Variants in DAB1 observed in about 807,000 individuals in gnomAD.
The protein encoded by DAB1 is DAB adaptor protein 1.
A neutral mutation model predicts 64.6 loss-of-function variants in DAB1; 15 were observed. The observed-to-expected ratio is 0.23, with a 90% CI of 0.16 to 0.36. The LOEUF is 0.36. Ranked by LOEUF, DAB1 falls within the 10% of genes least tolerant of loss-of-function variation. DAB1 has a pLI of 1.00. For missense variants in DAB1, 596 were observed against 706.7 expected, an observed-to-expected ratio of 0.84 and a Z score of 1.78; for synonymous variants, 235 against 251.9, an observed-to-expected ratio of 0.93 and a Z score of 0.64.
In DAB1 at chr1:57,332,260, A is replaced by G. The variant is rs574030249; in HGVS notation, c.-136-41094T>C. On this transcript the variant is annotated intron_variant, in intron 1 of 14. Coordinates refer to ENST00000371236, the MANE Select transcript of DAB1 (RefSeq NM_001365792.1). ...ATTACAGGCATAAGCCACAATGCCCAGCTGGGAGTCTTTTTTATATAATAA... is the reference window on the plus strand; with the variant it reads ...ATTACAGGCATAAGCCACAATGCCCGGCTGGGAGTCTTTTTTATATAATAA... Among the ~76,000 whole-genome samples, 19 of 152,326 alleles carry G rather than the reference A, an allele frequency of 1.2e-4. 1 individual carries two copies. In the South Asian group the frequency reaches 3.5e-3, roughly 28 times the overall value.
intron 7 of DAB1, among the ~76,000 whole-genome samples, chr1:57,579,687 G>C (rs1486442885): frequency 6.6e-6 from 1 of 152,138 alleles, no homozygotes; most frequent in African/African-American, 2.4e-5. Flanking sequence ...ATCAGACCTG[G>C]GGAGAGCAGA....
intron 1 of DAB1, among the ~76,000 whole-genome samples, chr1:57,872,283 T>C (rs1243060744): frequency 6.6e-6 from 1 of 152,160 alleles, no homozygotes; most frequent in Non-Finnish European, 1.5e-5. Context: ...CATAATTAGC[T>C]CATGGAAGTG....
chr1:57,692,982 C>T (rs1021153824), intron 6 of DAB1, among the ~76,000 whole-genome samples: 20 of 152,164 alleles, frequency 1.3e-4, no homozygotes, highest in African/African-American at 4.6e-4. Flanking sequence ...TAACAGCCAT[C>T]TTGCTATTAC....
rs918167439 is a variant in DAB1, at chr1:57,482,477, T to TAA, written n.625+167113_625+167114dup. ...ACCCCAGTTTTACAGCTGAAAGTTG[T>TAA]AAAAAAAAAAAAAAAAAAAAAAAAA... On this transcript the variant is annotated intron_variant and non_coding_transcript_variant, in intron 7 of 20. Coordinates refer to the DAB1 transcript ENST00000485760. 3.8e-3 allele frequency among the ~76,000 whole-genome samples: 235 copies of TAA among 61,174 alleles called. 6 individuals carry two copies. Among genetic ancestry groups the TAA allele is most frequent in the Admixed American group, 0.019 (92 of 4,922 alleles). The allele number at this position is 61,174 out of a possible 152,430, so 40.1% of individuals were successfully genotyped here.
intron 5 of DAB1, among the ~76,000 whole-genome samples, chr1:58,120,387 G>A (rs1016822757): frequency 6.6e-6 from 1 of 152,130 alleles, no homozygotes; most frequent in Non-Finnish European, 1.5e-5. Context: ...CAACGAAGAA[G>A]AGAAAGCATG....
chr1:57,590,505 G>C (rs1027853892), intron 7 of DAB1, among the ~76,000 whole-genome samples: 37 of 151,566 alleles, frequency 2.4e-4, no homozygotes, highest in African/African-American at 8.2e-4. Flanking sequence ...TTTGTTTTTT[G>C]TATTTTTAGT....
At chr1:57,942,364 G>A (rs976447687) in intron 5 of DAB1, among the ~76,000 whole-genome samples, 13 of 152,204 alleles carry the variant, frequency 8.5e-5, no homozygotes, top group Admixed American at 2.6e-4. Context: ...TTAGAGAGGA[G>A]ATAAAGCAGA....
intron 6 of DAB1, among the ~76,000 whole-genome samples, chr1:57,777,141 C>CTTTTTTTTTTTTTTTTTTT (rs71051255): frequency 2.2e-5 from 2 of 90,404 alleles, no homozygotes; most frequent in Admixed American, 1.2e-4. Flanking sequence ...TTCTGAATTT[C>CTTTTTTTTTTTTTTTTTTT]TTTTTTTTTT....
chr1:57,755,490 T>C lies in DAB1; in HGVS notation n.552-105825A>G, dbSNP rs538130017. ...ACAAAATTGGTCGATCCCACATGAA[T>C]GAAATTTTCTGGTTTTTAAACTTTG... On this transcript the variant is annotated intron_variant and non_coding_transcript_variant, in intron 6 of 20. Transcript: ENST00000485760. Among the ~76,000 whole-genome samples, 152 of 152,338 alleles carry C rather than the reference T, an allele frequency of 1.0e-3. 1 individual carries two copies. In the Middle Eastern group the frequency reaches 0.02, roughly 20 times the overall value.
chr1:57,580,703 A>T (rs137887133), intron 7 of DAB1, among the ~76,000 whole-genome samples: 1 of 152,216 alleles, frequency 6.6e-6, no homozygotes, highest in African/African-American at 2.4e-5. Context: ...GATAATTATA[A>T]TAATTGCAGC....
intron 2 of DAB1, among the ~76,000 whole-genome samples, chr1:58,515,628 CT>C (rs961565660): frequency 6.6e-6 from 1 of 152,114 alleles, no homozygotes; most frequent in African/African-American, 2.4e-5. Flanking sequence ...ATAAGATGGT[CT>C]CCTTACTTAC....
chr1:57,062,814 G>T, intron 9 of DAB1, 70 bp downstream of exon 9: 1 of 1,286,302 alleles, frequency 7.8e-7, no homozygotes, highest in Non-Finnish European at 1.1e-6. Flanking sequence ...GTTTCCTTCC[G>T]CAGGCTGTAG....
In DAB1 at chr1:57,062,832, C is replaced by T. The variant is rs1650534276; in HGVS notation, c.723+52G>A. ...TCCTTCCGCAGGCTGTAGACAGCCT[C>T]AGTGTGAATCCAGGTCACGGAAACC... On this transcript the variant is annotated intron_variant, in intron 9 of 14. Transcript: ENST00000371236. 2.8e-6 allele frequency: 4 copies of T among 1,453,232 alleles called. No individual in the cohort carries two copies. In the Admixed American group the frequency reaches 5.0e-5, roughly 18 times the overall value. 90.0% of individuals were successfully genotyped at this position (1,453,232 alleles called of 1,614,324 possible).
intron 5 of DAB1, among the ~76,000 whole-genome samples, chr1:58,087,354 T>C (rs1239077340): frequency 6.6e-6 from 1 of 152,212 alleles, no homozygotes; most frequent in Non-Finnish European, 1.5e-5. Context: ...AAACTTACCA[T>C]GAATCCATCA....
At chr1:58,011,405 C>T (rs1646666711) in intron 5 of DAB1, among the ~76,000 whole-genome samples, 1 of 152,106 alleles carries the variant, frequency 6.6e-6, no homozygotes, top group Non-Finnish European at 1.5e-5. Flanking sequence ...TTCATTTAAT[C>T]TTTAAGTCAG....
chr1:58,450,711 G>A (rs576244747), intron 3 of DAB1, among the ~76,000 whole-genome samples: 23 of 152,244 alleles, frequency 1.5e-4, no homozygotes, highest in African/African-American at 4.8e-4. Flanking sequence ...CTGAGATCGC[G>A]CCACTGCACT....
At chr1:58,176,147 C>T (rs1300201154) in intron 4 of DAB1, among the ~76,000 whole-genome samples, 2 of 152,090 alleles carry the variant, frequency 1.3e-5, no homozygotes, top group South Asian at 2.1e-4. Context: ...TGTAGGCATT[C>T]GAGGGAGCCA....
intron 2 of DAB1, among the ~76,000 whole-genome samples, chr1:57,246,246 G>A (rs1668863313): frequency 6.6e-6 from 1 of 151,856 alleles, no homozygotes; most frequent in Non-Finnish European, 1.5e-5. Flanking sequence ...GGTTTCATGG[G>A]CAAGAACCTA....
chr1:57,576,351 T>G (rs1162457155), intron 7 of DAB1, among the ~76,000 whole-genome samples: 1 of 152,146 alleles, frequency 6.6e-6, no homozygotes, highest in East Asian at 1.9e-4. Flanking sequence ...AAAACCCCAT[T>G]GTGAGTCAAA....
Sources: gnomAD v4.1 joint callset for allele counts (sites outside exome capture counted in the v4.1 genomes callset) on GRCh38, gnomAD v4.1.1 for gene constraint, MANE v1.5 for transcripts, NCBI Gene and HGNC (gene_info 2026-07-23, HGNC 2026-07-21) for gene names.